Variants in STAG1 observed in about 807,000 individuals in gnomAD.
STAG1 encodes the protein cohesin subunit SA-1.
In STAG1, 26 loss-of-function variants were observed where a neutral mutation model predicts 170.9. That is an observed-to-expected ratio of 0.15 (90% CI 0.11 to 0.21). The LOEUF is 0.21. Ranked by LOEUF, STAG1 falls within the 10% of genes least tolerant of loss-of-function variation. STAG1 has a pLI of 1.00. For synonymous variants in STAG1, 514 were observed against 497.7 expected, an observed-to-expected ratio of 1.03 and a Z score of -0.44; for missense variants, 964 against 1,509.5, an observed-to-expected ratio of 0.64 and a Z score of 5.99.
At chr3:136,695,427 ACT>A (rs1416439618) in intron 1 of STAG1, among the ~76,000 whole-genome samples, 1 of 150,032 alleles carries the variant, frequency 6.7e-6, no homozygotes, top group African/African-American at 2.5e-5. Context: ...ACAGAGTGAG[ACT>A]CTGTCTCAAA....
intron 1 of STAG1, among the ~76,000 whole-genome samples, chr3:136,644,273 T>A (rs1940912941): frequency 6.6e-6 from 1 of 152,070 alleles, no homozygotes; most frequent in South Asian, 2.1e-4. Flanking sequence ...CAACAGAAGG[T>A]TTTTCAGAAT....
intron 1 of STAG1, among the ~76,000 whole-genome samples, chr3:136,683,802 A>G (rs1000727639): frequency 2.0e-5 from 3 of 152,206 alleles, no homozygotes; most frequent in Non-Finnish European, 2.9e-5. Flanking sequence ...AAATCCACAC[A>G]AGAGCTGACC....
chr3:136,375,861 T>G (rs535180376), intron 23 of STAG1, among the ~76,000 whole-genome samples: 1 of 151,268 alleles, frequency 6.6e-6, no homozygotes, highest in African/African-American at 2.4e-5. Flanking sequence ...TCCCAGATAC[T>G]TGGGAGGCTG....
intron 1 of STAG1, among the ~76,000 whole-genome samples, chr3:136,749,034 C>T (rs1282351267): frequency 1.3e-5 from 2 of 152,142 alleles, no homozygotes; most frequent in African/African-American, 4.8e-5. Flanking sequence ...ACTTCTTTTC[C>T]TACGGCAGGC....
At chr3:136,543,988 G>T (rs745925095) in intron 5 of STAG1, among the ~76,000 whole-genome samples, 5 of 151,960 alleles carry the variant, frequency 3.3e-5, no homozygotes, top group Non-Finnish European at 7.4e-5. Flanking sequence ...AGATTCCTAC[G>T]TATGCACAGA....
chr3:136,399,792 T>C (rs2108342960), intron 21 of STAG1, among the ~76,000 whole-genome samples: 1 of 152,336 alleles, frequency 6.6e-6, no homozygotes, highest in African/African-American at 2.4e-5. Context: ...CCAAAGAGTT[T>C]TTCCTTATGT....
At chr3:136,705,125 C>T (rs1943191540) in intron 1 of STAG1, among the ~76,000 whole-genome samples, 1 of 152,090 alleles carries the variant, frequency 6.6e-6, no homozygotes, top group Non-Finnish European at 1.5e-5. Flanking sequence ...CCTGTAATCC[C>T]AGCACTTTGG....
At chr3:136,682,348 C>G (rs1685568644) in intron 1 of STAG1, among the ~76,000 whole-genome samples, 1 of 151,310 alleles carries the variant, frequency 6.6e-6, no homozygotes, top group African/African-American at 2.4e-5. Flanking sequence ...TCACTTGAAC[C>G]CGGAAGGCAG....
chr3:136,433,100 G>A (rs1047720191), intron 16 of STAG1, among the ~76,000 whole-genome samples: 1 of 151,862 alleles, frequency 6.6e-6, no homozygotes, highest in African/African-American at 2.4e-5. Context: ...ACAGAGCCAG[G>A]AGTCTCTCCA....
chr3:136,467,230 C>G (rs1251012575), intron 12 of STAG1, among the ~76,000 whole-genome samples: 1 of 152,098 alleles, frequency 6.6e-6, no homozygotes, highest in African/African-American at 2.4e-5. Flanking sequence ...GATAAAGAGT[C>G]AAGACCCATC....
chr3:136,543,241 C>T (rs1033977867), intron 5 of STAG1, among the ~76,000 whole-genome samples: 2 of 151,682 alleles, frequency 1.3e-5, no homozygotes, highest in Non-Finnish European at 2.9e-5. Context: ...GAATATATTA[C>T]CCAAACAAAA....
At chr3:136,629,919 G>A (rs986945214) in intron 2 of STAG1, among the ~76,000 whole-genome samples, 2 of 152,068 alleles carry the variant, frequency 1.3e-5, no homozygotes, top group African/African-American at 4.8e-5. Flanking sequence ...AATCTGGCCA[G>A]GCACAGTGAC....
intron 23 of STAG1, among the ~76,000 whole-genome samples, chr3:136,369,590 TTGA>T (rs1203172879): frequency 6.6e-6 from 1 of 152,174 alleles, no homozygotes; most frequent in Non-Finnish European, 1.5e-5. Context: ...AAGCAAGGTG[TTGA>T]TTACAGGTCA....
At chr3:136,721,848 C>T (rs961299483) in intron 1 of STAG1, among the ~76,000 whole-genome samples, 2 of 151,166 alleles carry the variant, frequency 1.3e-5, no homozygotes, top group East Asian at 1.9e-4. Flanking sequence ...GGCATGAACC[C>T]GGGAGGCAGA....
intron 15 of STAG1, among the ~76,000 whole-genome samples, chr3:136,439,549 C>A (rs1016399349): frequency 6.6e-6 from 1 of 151,958 alleles, no homozygotes; most frequent in African/African-American, 2.4e-5. Context: ...CAACTGCTAA[C>A]CACAGCCTTC....
intron 9 of STAG1, among the ~76,000 whole-genome samples, chr3:136,477,902 G>C (rs1011635432): frequency 1.4e-4 from 22 of 152,092 alleles, no homozygotes; most frequent in African/African-American, 5.3e-4. Context: ...TGATTCTCCT[G>C]CCTCAGCCAC....
At chr3:136,628,127 TGTGATAGTGA>T (rs1940184676) in intron 2 of STAG1, among the ~76,000 whole-genome samples, 1 of 152,112 alleles carries the variant, frequency 6.6e-6, no homozygotes, top group South Asian at 2.1e-4. Context: ...ATGCTGTTGT[TGTGATAGTGA>T]GTTCTCACGA....
At chr3:136,468,270 AAAG>A (rs2089526472) in intron 12 of STAG1, among the ~76,000 whole-genome samples, 1 of 152,206 alleles carries the variant, frequency 6.6e-6, no homozygotes, top group South Asian at 2.1e-4. Context: ...CAAGACTAAT[AAAG>A]AAGAAAAGAG....
intron 1 of STAG1, among the ~76,000 whole-genome samples, chr3:136,725,754 C>T (rs982768693): frequency 1.3e-5 from 2 of 152,174 alleles, no homozygotes; most frequent in Non-Finnish European, 2.9e-5. Flanking sequence ...GTACAGACAG[C>T]ATGAGGTTAC....
Sources: allele counts gnomAD v4.1 joint callset (sites outside exome capture counted in the v4.1 genomes callset), GRCh38; gene constraint gnomAD v4.1.1; transcripts MANE v1.5; gene names NCBI Gene and HGNC (gene_info 2026-07-23, HGNC 2026-07-21).